Variants in CCDC91 observed in about 807,000 individuals in gnomAD.
CCDC91 encodes the protein coiled-coil domain-containing protein 91.
Under a neutral mutation model 63.2 loss-of-function variants are expected in CCDC91, and 48 were observed. The observed-to-expected ratio is 0.76, with a 90% CI of 0.60 to 0.97. The LOEUF is 0.97. Ranked by LOEUF, CCDC91 falls within the 50% of genes least tolerant of loss-of-function variation. The pLI is 0.00. For synonymous variants in CCDC91, 167 were observed against 165.8 expected (o/e 1.01, Z -0.06); for missense variants, 500 against 494.6 (o/e 1.01, Z -0.10).
chr12:28,417,640 T>TATATATATATATATAC (rs57507827), intron 8 of CCDC91, among the ~76,000 whole-genome samples: 7 of 112,074 alleles, frequency 6.2e-5, no homozygotes, highest in African/African-American at 2.7e-5. Context: ...TATATATATA[T>TATATATATATATATAC]ACACACACAC....
intron 8 of CCDC91, among the ~76,000 whole-genome samples, chr12:28,410,374 G>A (rs1343764064): frequency 3.9e-5 from 6 of 152,166 alleles, no homozygotes; most frequent in Non-Finnish European, 4.4e-5. Flanking sequence ...TTAGTATGAT[G>A]TATTATCCCC....
chr12:28,383,430 T>C (rs1945412269), intron 7 of CCDC91, among the ~76,000 whole-genome samples: 1 of 152,158 alleles, frequency 6.6e-6, no homozygotes, highest in South Asian at 2.1e-4. Context: ...AGGAAAAATT[T>C]GGAAGGGAGA....
At chr12:28,500,272 A>C (rs1037860144) in intron 12 of CCDC91, among the ~76,000 whole-genome samples, 2 of 151,082 alleles carry the variant, frequency 1.3e-5, no homozygotes, top group Non-Finnish European at 2.9e-5. Context: ...GATTGCAAAA[A>C]TTTTCTCCCA....
chr12:28,202,189 C>T (rs1237478110), intron 1 of CCDC91, among the ~76,000 whole-genome samples: 1 of 152,054 alleles, frequency 6.6e-6, no homozygotes, highest in Non-Finnish European at 1.5e-5. Flanking sequence ...TTCTTTAGCT[C>T]TTTGAAACTG....
At chr12:28,225,948 T>C (rs1264504754) in intron 1 of CCDC91, 1 of 152,234 alleles carries the variant, frequency 6.6e-6, no homozygotes, top group Non-Finnish European at 1.5e-5. Context: ...AATATTTTTG[T>C]CATCTTGCTT....
intron 11 of CCDC91, among the ~76,000 whole-genome samples, chr12:28,463,858 C>T (rs972817006): frequency 3.3e-5 from 5 of 152,028 alleles, no homozygotes; most frequent in African/African-American, 9.7e-5. Context: ...CCTTCCTGCC[C>T]GGACACCAGT....
intron 8 of CCDC91, among the ~76,000 whole-genome samples, chr12:28,409,397 G>T (rs1159054891): frequency 6.6e-6 from 1 of 151,842 alleles, no homozygotes; most frequent in African/African-American, 2.4e-5. Flanking sequence ...TATAAACTTT[G>T]GTGATTATCT....
At chr12:28,275,409 A>C (rs1211593019) in intron 3 of CCDC91, among the ~76,000 whole-genome samples, 1 of 152,160 alleles carries the variant, frequency 6.6e-6, no homozygotes, top group Non-Finnish European at 1.5e-5. Flanking sequence ...CACCCTCCCA[A>C]GACTAAACCA....
chr12:28,503,617 TATAAAGACAC>T (rs1938276137), intron 12 of CCDC91, among the ~76,000 whole-genome samples: 1 of 152,158 alleles, frequency 6.6e-6, no homozygotes, highest in African/African-American at 2.4e-5. Flanking sequence ...ATCATACTGC[TATAAAGACAC>T]ATGCACACGT....
At chr12:28,211,703 C>T (rs960592641) in intron 1 of CCDC91, among the ~76,000 whole-genome samples, 10 of 151,574 alleles carry the variant, frequency 6.6e-5, no homozygotes, top group Admixed American at 3.3e-4. Flanking sequence ...TTAAGGATCC[C>T]ATTTTTTACC....
In CCDC91 at chr12:28,424,283, C is replaced by A. The variant is rs1948181123; in HGVS notation, c.763-25878C>A. ...GTTACTTTGTGAAACCTAATTTTTC[C>A]AAATTGAAGAATCCATTGTATGAAT... On this transcript the variant is annotated intron_variant, in intron 8 of 12. Transcript: ENST00000536442. Among the ~76,000 whole-genome samples, 4 of 151,972 alleles carry A rather than the reference C, an allele frequency of 2.6e-5. No homozygotes were observed. In the South Asian group the frequency reaches 6.2e-4, roughly 24 times the overall value.
intron 3 of CCDC91, among the ~76,000 whole-genome samples, chr12:28,281,524 A>T (rs1466278426): frequency 6.6e-6 from 1 of 152,220 alleles, no homozygotes; most frequent in Admixed American, 6.5e-5. Context: ...CTTTAATCAC[A>T]TACAAAATAC....
chr12:28,458,874 G>A (rs1236442986), intron 11 of CCDC91, among the ~76,000 whole-genome samples: 1 of 151,866 alleles, frequency 6.6e-6, no homozygotes, highest in East Asian at 1.9e-4. Flanking sequence ...CTCCAGTTTT[G>A]TGCCTTTTCA....
intron 8 of CCDC91, among the ~76,000 whole-genome samples, chr12:28,408,066 AT>A (rs1947080622): frequency 6.6e-6 from 1 of 151,524 alleles, no homozygotes; most frequent in Admixed American, 6.6e-5. Context: ...TGCTGTACCT[AT>A]CAACCCGTCA....
intron 8 of CCDC91, among the ~76,000 whole-genome samples, chr12:28,410,247 T>C (rs1364915041): frequency 6.6e-6 from 1 of 152,206 alleles, no homozygotes; most frequent in Non-Finnish European, 1.5e-5. Flanking sequence ...GTCTTCTTTA[T>C]ATATTTGTCC....
intron 7 of CCDC91, among the ~76,000 whole-genome samples, chr12:28,366,907 T>TATC (rs1175332489): frequency 6.6e-6 from 1 of 152,062 alleles, no homozygotes; most frequent in Non-Finnish European, 1.5e-5. Context: ...AGGAGATCCT[T>TATC]GTTCCCTGTA....
chr12:28,380,236 A>G (rs1386507315), intron 7 of CCDC91, among the ~76,000 whole-genome samples: 3 of 152,092 alleles, frequency 2.0e-5, no homozygotes, highest in Non-Finnish European at 4.4e-5. Context: ...TGACGAGTTG[A>G]TGGGTGCAAC....
intron 11 of CCDC91, among the ~76,000 whole-genome samples, chr12:28,475,553 T>C (rs934872133): frequency 5.9e-5 from 9 of 152,158 alleles, no homozygotes; most frequent in African/African-American, 2.2e-4. Flanking sequence ...TTGAGAACAA[T>C]ACAGAACAAC....
chr12:28,362,522 G>GT lies in CCDC91; in HGVS notation c.654+10dup. The GT allele has an allele frequency of 6.5e-7, 1 of 1,547,796 alleles. No individual in the cohort carries two copies. On this transcript the variant is annotated splice_region_variant and intron_variant, in intron 7 of 12. Coordinates refer to ENST00000536442, the MANE Select transcript of CCDC91 (RefSeq NM_018318.5). ...TATTGTGGATGAATATAAGGTAGAG[G>GT]TTTGAGAGTGTTTACTTTTTTAAAC...
Sources: allele counts gnomAD v4.1 joint callset (sites outside exome capture counted in the v4.1 genomes callset), GRCh38; gene constraint gnomAD v4.1.1; transcripts MANE v1.5; gene names NCBI Gene and HGNC (gene_info 2026-07-23, HGNC 2026-07-21).